SLC24A4: variants seen among roughly 807,000 people sequenced by gnomAD.
SLC24A4 encodes the protein solute carrier family 24 member 4, also known as sodium/potassium/calcium exchanger 4.
In SLC24A4, 53 loss-of-function variants were observed where a neutral mutation model predicts 79.0. The ratio of observed to expected loss-of-function variants is 0.67; its 90% CI spans 0.54 to 0.84. The LOEUF is 0.84. Among genes scored for constraint, SLC24A4 ranks in the 40% least tolerant of loss-of-function variants. The probability of loss-of-function intolerance (pLI) is 0.00; values close to 1 mark genes in which losing one functional copy is unlikely to be tolerated. For synonymous variants in SLC24A4, 323 were observed against 323.8 expected (o/e 1.00, Z 0.03); for missense variants, 731 against 822.0 (o/e 0.89, Z 1.35).
intron 2 of SLC24A4, among the ~76,000 whole-genome samples, chr14:92,343,414 C>T (rs1257664102): frequency 6.6e-6 from 1 of 152,182 alleles, no homozygotes; most frequent in African/African-American, 2.4e-5. Context: ...TCACCCTCCA[C>T]ATGACTCAGT....
rs181328969 is a variant in SLC24A4 at position 92,439,554 on chromosome 14, C to T, written c.393+145C>T. On this transcript the variant is annotated intron_variant, in intron 4 of 16. Coordinates refer to ENST00000532405, the MANE Select transcript of SLC24A4 (RefSeq NM_153646.4). ...CGAGCACTTAGTGTCTGCCCCATGG[C>T]GAAGCCTCGCCAGAAACCCTCAAAT... 948 of 734,022 alleles carry T rather than the reference C, an allele frequency of 1.3e-3. 1 individual carries two copies. The highest frequency in any genetic ancestry group is 1.9e-3 in the Non-Finnish European group (809 of 428,458). The allele number at this position is 734,022 out of a possible 1,614,324, so 45.5% of individuals were successfully genotyped here. A position where few individuals can be genotyped will look rare whatever the true frequency, so the allele number is the denominator to read the frequency against.
chr14:92,399,709 C>G (rs933176293), intron 2 of SLC24A4, among the ~76,000 whole-genome samples: 2 of 152,168 alleles, frequency 1.3e-5, no homozygotes, highest in African/African-American at 4.8e-5. Flanking sequence ...CTCTGGTAAC[C>G]AGCGCATTGT....
intron 12 of SLC24A4, among the ~76,000 whole-genome samples, chr14:92,477,629 A>G (rs1894840691): frequency 6.6e-6 from 1 of 151,874 alleles, no homozygotes; most frequent in Admixed American, 6.6e-5. Flanking sequence ...TAGTTTTTGT[A>G]TTTTTTGTAG....
At chr14:92,358,917 C>CTTG (rs1477719764) in intron 2 of SLC24A4, among the ~76,000 whole-genome samples, 2 of 151,854 alleles carry the variant, frequency 1.3e-5, no homozygotes, top group African/African-American at 2.4e-5. Flanking sequence ...AACTCCTGAC[C>CTTG]TCAAGTGATC....
At position 92,494,197 on chromosome 14, in the gene SLC24A4, C is replaced by T. The variant is rs1373656082; in HGVS notation, c.*569C>T. 6.6e-6 allele frequency: 1 copy of T among 152,602 alleles called. No individual in the cohort carries two copies. Among genetic ancestry groups the T allele is most frequent in the Non-Finnish European group, 1.5e-5 (1 of 68,094 alleles). 9.5% of individuals were successfully genotyped at this position (152,602 alleles called of 1,614,324 possible). A position where few individuals can be genotyped will look rare whatever the true frequency, so the allele number is the denominator to read the frequency against. ...GCCCATGATGGCAGACATTCTACCC[C>T]TTTTCCTGGAAAAACTGGAAGAATG... On this transcript the variant is annotated 3_prime_UTR_variant, in exon 17 of 17. Transcript: ENST00000532405. The surrounding 1 kb of genome is among the most constrained non-coding windows in gnomAD (Gnocchi z 4.6).
chr14:92,394,430 TA>T lies in SLC24A4; in HGVS notation c.242-39473del, dbSNP rs544609368. On this transcript the variant is annotated intron_variant, in intron 2 of 16. Transcript: ENST00000532405. ...GGGCAACATAGCAAGACCCCATCTCTAAAAAAAAATTAAAAGTTAAAAAAAT... is the reference window on the plus strand; with the variant it reads ...GGGCAACATAGCAAGACCCCATCTCTAAAAAAAATTAAAAGTTAAAAAAAT... Among the ~76,000 whole-genome samples, 803 of 151,082 alleles carry T rather than the reference TA, an allele frequency of 5.3e-3. 7 individuals carry two copies. Among genetic ancestry groups the T allele is most frequent in the African/African-American group, 0.018 (761 of 41,200 alleles).
chr14:92,445,290 C>A (rs746333737), intron 7 of SLC24A4, 27 bp from the exon 8 acceptor site: 5 of 1,613,992 alleles, frequency 3.1e-6, no homozygotes, highest in Non-Finnish European at 4.2e-6. Context: ...TCCCACCCAC[C>A]TCAACTCTGT....
intron 3 of SLC24A4, among the ~76,000 whole-genome samples, chr14:92,436,871 C>G (rs775837417): frequency 6.6e-6 from 1 of 152,188 alleles, no homozygotes; most frequent in Non-Finnish European, 1.5e-5. Context: ...GGGTCTCCCC[C>G]ACCTGCCTTC....
intron 2 of SLC24A4, among the ~76,000 whole-genome samples, chr14:92,327,845 G>C (rs933321133): frequency 2.0e-5 from 3 of 152,340 alleles, no homozygotes; most frequent in East Asian, 1.9e-4. Flanking sequence ...AAGGGAAGTG[G>C]AGGGAACTTG....
intron 2 of SLC24A4, among the ~76,000 whole-genome samples, chr14:92,364,885 C>T (rs188359331): frequency 2.6e-5 from 4 of 152,318 alleles, no homozygotes; most frequent in Admixed American, 6.5e-5. Flanking sequence ...AAAGGAAGCT[C>T]GTCACTTGCC....
chr14:92,378,819 G>A (rs1309607997), intron 2 of SLC24A4, among the ~76,000 whole-genome samples: 1 of 152,252 alleles, frequency 6.6e-6, no homozygotes, highest in African/African-American at 2.4e-5. Context: ...GGAGACTGAG[G>A]TAGGAGGATC....
At position 92,492,206 on chromosome 14, in the gene SLC24A4, C is replaced by A. The variant is rs1472393642; in HGVS notation, c.1682C>A (p.Ser561Tyr). The A allele has an allele frequency of 1.2e-6, 2 of 1,614,016 alleles. No individual in the cohort carries two copies. The highest frequency in any genetic ancestry group is 1.7e-6 in the Non-Finnish European group (2 of 1,180,030). ...VKINSRGLVYSVVLLLGSVAL... is the reference protein window; with the variant it reads ...VKINSRGLVYYVVLLLGSVAL... ...ATCAACAGCCGGGGGCTGGTCTATT[C>A]CGTGGTCCTGTTGCTGGGCTCTGTC... is the stretch of plus-strand genomic sequence containing the variant. Residue 561 changes from serine (S) to tyrosine (Y), a missense_variant, in exon 16 of 17, where the codon TCC (serine) becomes TAC (tyrosine). Ser to Tyr is a moderately radical substitution (Grantham distance 144, BLOSUM62 -2). Coordinates refer to ENST00000532405, the MANE Select transcript of SLC24A4 (RefSeq NM_153646.4).
At chr14:92,385,985 G>C (rs999859937) in intron 2 of SLC24A4, among the ~76,000 whole-genome samples, 1 of 152,154 alleles carries the variant, frequency 6.6e-6, no homozygotes, top group Non-Finnish European at 1.5e-5. Flanking sequence ...TGGATGGCTC[G>C]ATCGCAGGTT....
At chr14:92,467,803 G>T (rs771787029) in intron 12 of SLC24A4, among the ~76,000 whole-genome samples, 1 of 152,168 alleles carries the variant, frequency 6.6e-6, no homozygotes, top group East Asian at 1.9e-4. Flanking sequence ...AAGCCCACAC[G>T]AGCTGCCTTA....
chr14:92,351,578 C>T (rs1030536116), intron 2 of SLC24A4, among the ~76,000 whole-genome samples: 3 of 152,188 alleles, frequency 2.0e-5, no homozygotes, highest in Non-Finnish European at 4.4e-5. Flanking sequence ...GCAGGCAGGC[C>T]GGGGGCTGTG....
chr14:92,386,527 T>C (rs1326000180), intron 2 of SLC24A4, among the ~76,000 whole-genome samples: 1 of 152,134 alleles, frequency 6.6e-6, no homozygotes, highest in Non-Finnish European at 1.5e-5. Flanking sequence ...TTCTTCTGGG[T>C]GATGGGGCAT....
In SLC24A4 at chr14:92,400,692, G is replaced by A. The variant is rs117943960; in HGVS notation, c.242-33220G>A. On this transcript the variant is annotated intron_variant, in intron 2 of 16. Transcript: ENST00000532405. ...ATCCTCTTTCAGATGAGACCATGTC[G>A]TAATTAGCTGCAATGATAGGAAGTT... Among the ~76,000 whole-genome samples the A allele has an allele frequency of 3.4e-4, 52 of 152,240 alleles. 1 individual carries two copies. The East Asian group carries it at 7.9e-3, about 23-fold the overall frequency.
intron 2 of SLC24A4, among the ~76,000 whole-genome samples, chr14:92,380,615 T>TG (rs1160177609): frequency 6.6e-6 from 1 of 152,244 alleles, no homozygotes; most frequent in East Asian, 1.9e-4. Flanking sequence ...ACTGCCTTCA[T>TG]GGGACCCTGC....
intron 12 of SLC24A4, among the ~76,000 whole-genome samples, chr14:92,464,291 C>G (rs1436844634): frequency 1.3e-5 from 2 of 152,114 alleles, no homozygotes; most frequent in Non-Finnish European, 2.9e-5. Flanking sequence ...AGCGGCTTGC[C>G]CAAGGGACAG....
Sources: allele counts gnomAD v4.1 joint callset (sites outside exome capture counted in the v4.1 genomes callset), GRCh38; gene constraint gnomAD v4.1.1; non-coding constraint Gnocchi (gnomAD v3.1); transcripts MANE v1.5; gene names NCBI Gene and HGNC (gene_info 2026-07-23, HGNC 2026-07-21).